Variants in DYRK1A observed in about 807,000 individuals in gnomAD.
DYRK1A encodes dual specificity tyrosine phosphorylation regulated kinase 1A, also known as dual specificity tyrosine-phosphorylation-regulated kinase 1A.
In DYRK1A, 9 loss-of-function variants were observed where a neutral mutation model predicts 79.7. That is an observed-to-expected ratio of 0.11 (90% CI 0.07 to 0.20). DYRK1A has a LOEUF of 0.20. DYRK1A is among the 10% of genes least tolerant of loss of function. The pLI is 1.00. For synonymous variants in DYRK1A, 349 were observed against 329.7 expected, an observed-to-expected ratio of 1.06 and a Z score of -0.63; for missense variants, 622 against 956.0, an observed-to-expected ratio of 0.65 and a Z score of 4.61.
intron 5 of DYRK1A, among the ~76,000 whole-genome samples, chr21:37,484,355 T>G (rs181771786): frequency 7.6e-5 from 10 of 132,448 alleles, no homozygotes; most frequent in Admixed American, 6.2e-4. Flanking sequence ...TGAGATGGAG[T>G]TTTGCTTTTG....
Position 37,520,825 on chromosome 21 carries a change from C to T in DYRK1A, c.*8294C>T. ...CTCCCAGCAGGGGCTCCAGCGCTCA[C>T]CGCTGGGTGAGATCTACAGGGCTCA... is the stretch of plus-strand genomic sequence containing the variant. On this transcript the variant is annotated 3_prime_UTR_variant, in exon 12 of 12. Transcript: ENST00000647188. 1 of 152,360 alleles carries T rather than the reference C, an allele frequency of 6.6e-6. No individual in the cohort carries two copies. Among genetic ancestry groups the T allele is most frequent in the Non-Finnish European group, 1.5e-5 (1 of 68,088 alleles). 9.4% of individuals were successfully genotyped at this position (152,360 alleles called of 1,614,324 possible). A position where few individuals can be genotyped will look rare whatever the true frequency, so the allele number is the denominator to read the frequency against.
chr21:37,464,166 C>G (rs921805326), intron 2 of DYRK1A: 3 of 307,528 alleles, frequency 9.8e-6, no homozygotes, highest in African/African-American at 6.7e-5. Flanking sequence ...GGTCTTTTCT[C>G]ATGCTTTTTG....
At chr21:37,379,594 T>G (rs774802833) in intron 1 of DYRK1A, among the ~76,000 whole-genome samples, 3 of 152,208 alleles carry the variant, frequency 2.0e-5, no homozygotes, top group South Asian at 4.1e-4. Context: ...GGAAATAATT[T>G]GCAGCACCAT....
intron 1 of DYRK1A, among the ~76,000 whole-genome samples, chr21:37,398,071 A>AT (rs2049987481): frequency 3.8e-5 from 4 of 104,948 alleles, no homozygotes; most frequent in African/African-American, 1.1e-4. Flanking sequence ...ATCTCTTAAA[A>AT]AAAAAATATA....
At chr21:37,444,498 C>G (rs932916446) in intron 2 of DYRK1A, among the ~76,000 whole-genome samples, 3 of 152,148 alleles carry the variant, frequency 2.0e-5, no homozygotes, top group African/African-American at 7.2e-5. Flanking sequence ...AGACCTGTGA[C>G]AATTTCAGAA....
At chr21:37,407,307 A>G (rs1309729670) in intron 1 of DYRK1A, among the ~76,000 whole-genome samples, 1 of 152,178 alleles carries the variant, frequency 6.6e-6, no homozygotes. Context: ...TGCACACAAT[A>G]AAGTTTTGGC....
intron 8 of DYRK1A, among the ~76,000 whole-genome samples, chr21:37,494,264 T>A (rs2053190074): frequency 6.6e-6 from 1 of 152,032 alleles, no homozygotes; most frequent in Non-Finnish European, 1.5e-5. Context: ...TTTTTTTTTT[T>A]AGTATAAATC....
rs755807124 is a variant in DYRK1A, at chr21:37,420,338, C to T, written c.-37C>T. On this transcript the variant is annotated 5_prime_UTR_variant, in exon 2 of 12. Transcript: ENST00000647188. Reference sequence around the variant, plus strand: ...CGCTGGACTCTTCCCTCCCTTCCCCCACCCCATCAGGATGATATGAGACTT... The same window carrying T: ...CGCTGGACTCTTCCCTCCCTTCCCCTACCCCATCAGGATGATATGAGACTT... 15 of 1,608,692 alleles carry T rather than the reference C, an allele frequency of 9.3e-6. No homozygotes were observed. The highest frequency in any genetic ancestry group is 8.4e-5 in the Admixed American group (5 of 59,546).
intron 1 of DYRK1A, chr21:37,418,957 T>A (rs1400241784): frequency 6.6e-6 from 1 of 152,218 alleles, no homozygotes; most frequent in Non-Finnish European, 1.5e-5. Context: ...TGTTTAGTAT[T>A]GCTGCTATTT....
At chr21:37,408,382 C>T (rs149811926) in intron 1 of DYRK1A, among the ~76,000 whole-genome samples, 6 of 152,290 alleles carry the variant, frequency 3.9e-5, no homozygotes, top group South Asian at 2.1e-4. Flanking sequence ...TGAGCTCTCA[C>T]GTCCCTAGCC....
chr21:37,474,284 T>G (rs1297967536), intron 3 of DYRK1A, among the ~76,000 whole-genome samples: 1 of 152,256 alleles, frequency 6.6e-6, no homozygotes, highest in African/African-American at 2.4e-5. Context: ...GCACCTATTT[T>G]TATATCCAAC....
chr21:37,481,426 C>G (rs991119070), intron 5 of DYRK1A: 1 of 152,256 alleles, frequency 6.6e-6, no homozygotes, highest in Non-Finnish European at 1.5e-5. Context: ...ACTTGCACTC[C>G]TGTCACCCAG....
intron 1 of DYRK1A, among the ~76,000 whole-genome samples, chr21:37,383,770 A>T (rs954830859): frequency 6.6e-6 from 1 of 152,186 alleles, no homozygotes; most frequent in African/African-American, 2.4e-5. Context: ...AGCAAATAAC[A>T]TAATTACAAA....
At chr21:37,369,292 T>A (rs1214228398) in intron 1 of DYRK1A, among the ~76,000 whole-genome samples, 2 of 152,260 alleles carry the variant, frequency 1.3e-5, no homozygotes, top group Non-Finnish European at 2.9e-5. Context: ...TTTAGGATAA[T>A]ATTGTTTTCA....
At chr21:37,377,020 GGTGTGT>G (rs149451808) in intron 1 of DYRK1A, among the ~76,000 whole-genome samples, 10 of 151,878 alleles carry the variant, frequency 6.6e-5, no homozygotes, top group Non-Finnish European at 1.5e-4. Flanking sequence ...TGCATAGACA[GGTGTGT>G]GTGTGTGTAT....
At chr21:37,430,506 G>T in intron 2 of DYRK1A, 1 of 757,622 alleles carries the variant, frequency 1.3e-6, no homozygotes, top group Non-Finnish European at 1.6e-6. Flanking sequence ...AAATACCTGG[G>T]AACCCTTGTT....
At chr21:37,464,962 GGAAT>G (rs762301863) in intron 2 of DYRK1A, among the ~76,000 whole-genome samples, 1 of 152,188 alleles carries the variant, frequency 6.6e-6, no homozygotes, top group Non-Finnish European at 1.5e-5. Flanking sequence ...TCATAGGAAA[GGAAT>G]GAATGAATGG....
At chr21:37,436,432 T>G (rs2050926422) in intron 2 of DYRK1A, among the ~76,000 whole-genome samples, 1 of 152,158 alleles carries the variant, frequency 6.6e-6, no homozygotes, top group African/African-American at 2.4e-5. Flanking sequence ...GTCTTACTGT[T>G]CCAGCTAGCA....
At chr21:37,484,549 G>C (rs181752595) in intron 5 of DYRK1A, among the ~76,000 whole-genome samples, 1 of 151,914 alleles carries the variant, frequency 6.6e-6, no homozygotes, top group Non-Finnish European at 1.5e-5. Flanking sequence ...GGCTGGTCTC[G>C]AGCTCCTGAC....
Sources: gnomAD v4.1 joint callset for allele counts (sites outside exome capture counted in the v4.1 genomes callset) on GRCh38, gnomAD v4.1.1 for gene constraint, MANE v1.5 for transcripts, NCBI Gene and HGNC (gene_info 2026-07-23, HGNC 2026-07-21) for gene names.